The following CALN1 variants were observed in gnomAD, a reference collection of about 807,000 sequenced individuals.
CALN1 encodes the protein calneuron 1.
In CALN1, 17 loss-of-function variants were observed where a neutral mutation model predicts 30.6. The observed-to-expected ratio is 0.56, with a 90% confidence interval of 0.38 to 0.83. The LOEUF is 0.83. Ranked by LOEUF, CALN1 falls within the 40% of genes least tolerant of loss-of-function variation. The pLI is 0.00. For synonymous variants in CALN1, 156 were observed against 131.4 expected, an observed-to-expected ratio of 1.19 and a Z score of -1.28; for missense variants, 291 against 354.9, an observed-to-expected ratio of 0.82 and a Z score of 1.45.
chr7:72,278,623 A>T (rs1021016391), intron 3 of CALN1, 63 bp downstream of exon 3: 18 of 1,585,208 alleles, frequency 1.1e-5, no homozygotes, highest in Admixed American at 6.7e-5. Context: ...ATTGAGCTTC[A>T]CAATAGCCAG....
At chr7:72,214,736 A>G (rs1045103111) in intron 3 of CALN1, among the ~76,000 whole-genome samples, 8 of 151,974 alleles carry the variant, frequency 5.3e-5, no homozygotes, top group Non-Finnish European at 7.4e-5. Context: ...GTGAAGCTTC[A>G]TATCTGTATT....
intron 5 of CALN1, among the ~76,000 whole-genome samples, chr7:71,908,589 G>T (rs1224236136): frequency 6.6e-6 from 1 of 152,014 alleles, no homozygotes; most frequent in Admixed American, 6.6e-5. Flanking sequence ...AAAGGACACG[G>T]AAATGCACCA....
intron 4 of CALN1, among the ~76,000 whole-genome samples, chr7:72,082,436 A>G (rs753460882): frequency 2.0e-5 from 3 of 152,194 alleles, no homozygotes; most frequent in Non-Finnish European, 2.9e-5. Flanking sequence ...AGGAGAGCTG[A>G]GGGAAATCCC....
At chr7:71,997,617 A>G (rs1799318819) in intron 5 of CALN1, among the ~76,000 whole-genome samples, 1 of 152,160 alleles carries the variant, frequency 6.6e-6, no homozygotes, top group South Asian at 2.1e-4. Flanking sequence ...CTATGCAAAA[A>G]CATGTTACAA....
At chr7:72,320,358 G>C (rs781268605) in intron 2 of CALN1, among the ~76,000 whole-genome samples, 1 of 152,156 alleles carries the variant, frequency 6.6e-6, no homozygotes. Context: ...CTGAAGTGCG[G>C]GAGGATTCAG....
At chr7:71,900,944 A>G (rs1216144308) in intron 5 of CALN1, among the ~76,000 whole-genome samples, 1 of 152,236 alleles carries the variant, frequency 6.6e-6, no homozygotes. Flanking sequence ...AACAATGCCC[A>G]TTCCAGCCCT....
chr7:72,174,624 T>C (rs952557002), intron 3 of CALN1, among the ~76,000 whole-genome samples: 7 of 152,040 alleles, frequency 4.6e-5, no homozygotes, highest in African/African-American at 1.4e-4. Context: ...CAAAATAATA[T>C]GCTAAGAGAA....
intron 5 of CALN1, among the ~76,000 whole-genome samples, chr7:71,960,790 T>C (rs1797210894): frequency 6.6e-6 from 1 of 152,152 alleles, no homozygotes. Context: ...CATTACCTGG[T>C]CGTGATATTA....
intron 2 of CALN1, among the ~76,000 whole-genome samples, chr7:72,363,269 C>T (rs1803672181): frequency 6.6e-6 from 1 of 152,256 alleles, no homozygotes; most frequent in African/African-American, 2.4e-5. Flanking sequence ...GACGAAGTCT[C>T]GCTCTGTTGC....
rs1046876873 is a variant in CALN1 at position 72,242,953 on chromosome 7, C to T, written c.244+35733G>A. ...TTTAATTATTGCCAGAAAAATAATA[C>T]TAAAGTTAGCAAAGACATTTGATAT... On this transcript the variant is annotated intron_variant, in intron 3 of 6. Transcript: ENST00000395275. Among the ~76,000 whole-genome samples the T allele has an allele frequency of 2.7e-4, 41 of 151,972 alleles. 2 individuals are homozygous for T. Among genetic ancestry groups the T allele is most frequent in the Non-Finnish European group, 1.5e-5 (1 of 67,980 alleles).
chr7:72,120,744 G>A lies in CALN1; in HGVS notation c.245-14450C>T, dbSNP rs77466194. ...TATCTCTTAGGTTTTAGTTCTTGAC[G>A]TTCAAGATCCAGAGGATTACAAGGC... On this transcript the variant is annotated intron_variant, in intron 3 of 6. Transcript: ENST00000395275. Among the ~76,000 whole-genome samples the A allele has an allele frequency of 1.2e-3, 189 of 152,186 alleles. 2 individuals are homozygous for A. The East Asian group carries it at 0.033, about 27-fold the overall frequency.
chr7:72,190,186 T>C (rs942087832), intron 3 of CALN1, among the ~76,000 whole-genome samples: 18 of 152,024 alleles, frequency 1.2e-4, no homozygotes, highest in African/African-American at 4.3e-4. Flanking sequence ...CAAAACCCCG[T>C]CTCTACTAAA....
At chr7:72,416,439 G>A (rs1484756070), upstream of CALN1, among the ~76,000 whole-genome samples, 2 of 152,160 alleles carry the variant, frequency 1.3e-5, no homozygotes, top group Admixed American at 6.5e-5. Context: ...TTTCCTGAGT[G>A]AAGCCGGGAA....
chr7:71,857,085 A>C (rs1791004318), intron 5 of CALN1, among the ~76,000 whole-genome samples: 1 of 148,624 alleles, frequency 6.7e-6, no homozygotes, highest in African/African-American at 2.5e-5. Context: ...TCCAGGCCTA[A>C]GTGTAGAAAC....
intron 3 of CALN1, among the ~76,000 whole-genome samples, chr7:72,260,231 C>G (rs1378964008): frequency 3.3e-5 from 5 of 152,096 alleles, no homozygotes; most frequent in Admixed American, 2.6e-4. Flanking sequence ...AAAGCAAAAG[C>G]CCTGTGCAGT....
At chr7:72,234,510 G>C (rs1028603749) in intron 3 of CALN1, among the ~76,000 whole-genome samples, 5 of 149,934 alleles carry the variant, frequency 3.3e-5, no homozygotes, top group Non-Finnish European at 5.9e-5. Context: ...GCCATGGCGC[G>C]ATCTCGGCTC....
chr7:72,110,418 G>C (rs993813829), intron 3 of CALN1, among the ~76,000 whole-genome samples: 3 of 152,196 alleles, frequency 2.0e-5, no homozygotes, highest in Non-Finnish European at 4.4e-5. Flanking sequence ...TTGAATGCCT[G>C]TGGCTTACTC....
At chr7:72,215,593 CAAAA>C (rs35459723) in intron 3 of CALN1, among the ~76,000 whole-genome samples, 1 of 76,944 alleles carries the variant, frequency 1.3e-5, no homozygotes, top group Admixed American at 1.4e-4. Flanking sequence ...AACTCCTGCT[CAAAA>C]AAAAAAAAAA....
At chr7:72,324,564 A>T (rs991309553) in intron 2 of CALN1, among the ~76,000 whole-genome samples, 41 of 27,072 alleles carry the variant, frequency 1.5e-3, no homozygotes, top group Non-Finnish European at 5.0e-4. Context: ...GATGTAATTT[A>T]TTTATTTATT....
Sources: allele counts gnomAD v4.1 joint callset (sites outside exome capture counted in the v4.1 genomes callset), GRCh38; gene constraint gnomAD v4.1.1; transcripts MANE v1.5; gene names NCBI Gene and HGNC (gene_info 2026-07-23, HGNC 2026-07-21).